RMDN2: variants seen among roughly 807,000 people sequenced by gnomAD.
RMDN2 encodes the protein regulator of microtubule dynamics 2.
RMDN2 carries 61 observed loss-of-function variants against 52.8 expected under a neutral mutation model. The ratio of observed to expected loss-of-function variants is 1.16; its 90% confidence interval spans 0.94 to 1.43. The LOEUF (loss-of-function observed/expected upper bound fraction) is 1.43. Among genes scored for constraint, RMDN2 ranks in the 40% most tolerant of loss-of-function variants. The probability of loss-of-function intolerance (pLI) is 0.00; values close to 1 mark genes in which losing one functional copy is unlikely to be tolerated. For synonymous variants in RMDN2, 180 were observed against 153.1 expected (o/e 1.18, Z -1.30); for missense variants, 592 against 475.3 (o/e 1.25, Z -2.28).
At chr2:38,053,212 G>T (rs1055086890) in intron 10 of RMDN2, among the ~76,000 whole-genome samples, 2 of 151,730 alleles carry the variant, frequency 1.3e-5, no homozygotes, top group Non-Finnish European at 1.5e-5. Flanking sequence ...GATTTTTTTT[G>T]GAAGGAAAAA....
intron 5 of RMDN2, among the ~76,000 whole-genome samples, chr2:37,983,010 T>A (rs1022360401): frequency 1.3e-5 from 2 of 152,028 alleles, no homozygotes; most frequent in East Asian, 3.9e-4. Context: ...CTTTTAACTC[T>A]CAACTCCTCC....
chr2:37,922,183 G>T (rs941827214), upstream of RMDN2, among the ~76,000 whole-genome samples: 3 of 152,150 alleles, frequency 2.0e-5, no homozygotes, highest in African/African-American at 7.2e-5. Context: ...AATGAAGGTT[G>T]ATTCTGCTCT....
chr2:37,968,461 A>G (rs1484259792), intron 2 of RMDN2, among the ~76,000 whole-genome samples: 1 of 143,834 alleles, frequency 7.0e-6, no homozygotes, highest in African/African-American at 2.7e-5. Context: ...AAAAAAAAAA[A>G]GAAAGTCTGT....
At position 38,054,922 on chromosome 2, in the gene RMDN2, A is replaced by G. The variant is rs907339349; in HGVS notation, c.1714-12060A>G. On this transcript the variant is annotated intron_variant, in intron 10 of 10. Transcript: ENST00000234195. ...AAAGGACGGGGGGACAAAGGGCTCCAAGTGTCCCACCAGGAAATTATTTGG... is the reference window on the plus strand; with the variant it reads ...AAAGGACGGGGGGACAAAGGGCTCCGAGTGTCCCACCAGGAAATTATTTGG... Among the ~76,000 whole-genome samples, 3 of 152,212 alleles carry G rather than the reference A, an allele frequency of 2.0e-5. No individual in the cohort carries two copies. The East Asian group carries it at 5.8e-4, about 29-fold the overall frequency.
intron 5 of RMDN2, among the ~76,000 whole-genome samples, chr2:37,986,469 T>A (rs1347756978): frequency 6.6e-6 from 1 of 152,024 alleles, no homozygotes; most frequent in African/African-American, 2.4e-5. Context: ...AATACCAACA[T>A]CAGACACTGG....
At chr2:37,964,885 T>G (rs59738114) in intron 2 of RMDN2, among the ~76,000 whole-genome samples, 11,992 of 152,212 alleles carry the variant, frequency 0.079, 493 homozygotes, top group East Asian at 0.11. Context: ...CTTTTTTCAA[T>G]TCTGTCAGTG....
At chr2:37,971,485 A>T (rs1671803340) in intron 2 of RMDN2, among the ~76,000 whole-genome samples, 1 of 152,138 alleles carries the variant, frequency 6.6e-6, no homozygotes, top group Non-Finnish European at 1.5e-5. Flanking sequence ...ATTCGTCTGT[A>T]TTTTGTACTA....
downstream of RMDN2, among the ~76,000 whole-genome samples, chr2:38,020,544 C>T (rs917973916): frequency 6.6e-6 from 1 of 152,228 alleles, no homozygotes; most frequent in Admixed American, 6.5e-5. Context: ...GGGCTGTGCC[C>T]GGCGCTTGCG....
intron 3 of RMDN2, chr2:37,975,002 T>A: frequency 1.9e-6 from 1 of 527,106 alleles, no homozygotes; most frequent in Non-Finnish European, 3.4e-6. Context: ...GGTTTTAAGA[T>A]CCAAATGTAA....
intron 2 of RMDN2, among the ~76,000 whole-genome samples, chr2:37,939,894 A>G (rs1233529258): frequency 6.6e-6 from 1 of 152,130 alleles, no homozygotes; most frequent in Non-Finnish European, 1.5e-5. Flanking sequence ...TAAGGTTAAT[A>G]TTGTTATGTG....
At chr2:38,013,979 G>C (rs985928682) in intron 10 of RMDN2, among the ~76,000 whole-genome samples, 5 of 152,194 alleles carry the variant, frequency 3.3e-5, no homozygotes, top group Non-Finnish European at 5.9e-5. Flanking sequence ...GGCCGAGGCG[G>C]GCGGATCACC....
chr2:37,986,044 A>G (rs1673972149), intron 5 of RMDN2, among the ~76,000 whole-genome samples: 1 of 152,188 alleles, frequency 6.6e-6, no homozygotes, highest in South Asian at 2.1e-4. Context: ...ATTTTTTTGT[A>G]AATTCAAAGC....
intron 10 of RMDN2, among the ~76,000 whole-genome samples, chr2:38,026,149 T>C (rs570415970): frequency 6.6e-6 from 1 of 152,274 alleles, no homozygotes; most frequent in African/African-American, 2.4e-5. Flanking sequence ...CAGGGCTATT[T>C]AGATTATCTT....
At chr2:37,946,226 T>C (rs1668208144) in intron 2 of RMDN2, among the ~76,000 whole-genome samples, 1 of 152,152 alleles carries the variant, frequency 6.6e-6, no homozygotes, top group Admixed American at 6.6e-5. Context: ...AAATAGAAAG[T>C]AGATACCTTT....
At chr2:38,051,701 T>C (rs1681611873) in intron 10 of RMDN2, among the ~76,000 whole-genome samples, 1 of 152,130 alleles carries the variant, frequency 6.6e-6, no homozygotes, top group South Asian at 2.1e-4. Context: ...CCTTTCCCAA[T>C]TTCATTCTAC....
At chr2:38,012,118 C>T (rs1051934831) in intron 10 of RMDN2, among the ~76,000 whole-genome samples, 3 of 152,172 alleles carry the variant, frequency 2.0e-5, no homozygotes, top group African/African-American at 7.2e-5. Context: ...TCCTCTGCAC[C>T]ACCCAGCCTG....
intron 2 of RMDN2, among the ~76,000 whole-genome samples, chr2:37,933,697 G>T (rs1443978150): frequency 6.6e-6 from 1 of 152,232 alleles, no homozygotes; most frequent in Non-Finnish European, 1.5e-5. Context: ...AGGCAGGGAG[G>T]TTGCAGTGAG....
At chr2:38,013,008 C>G (rs994838680) in intron 10 of RMDN2, among the ~76,000 whole-genome samples, 1 of 152,214 alleles carries the variant, frequency 6.6e-6, no homozygotes, top group Admixed American at 6.5e-5. Flanking sequence ...GTCGTTTGGT[C>G]TCTAGAGCCC....
intron 10 of RMDN2, among the ~76,000 whole-genome samples, chr2:38,005,568 A>AT (rs1183918928): frequency 6.6e-6 from 1 of 151,936 alleles, no homozygotes; most frequent in Admixed American, 6.6e-5. Flanking sequence ...TTTCTTGTAA[A>AT]TTTGTTTGAG....
Sources: allele counts gnomAD v4.1 joint callset (sites outside exome capture counted in the v4.1 genomes callset), GRCh38; gene constraint gnomAD v4.1.1; transcripts MANE v1.5; gene names NCBI Gene and HGNC (gene_info 2026-07-23, HGNC 2026-07-21).